Variants in FGFR2 observed in about 807,000 individuals in gnomAD.
The protein encoded by FGFR2 is fibroblast growth factor receptor 2, also known as BEK fibroblast growth factor receptor.
Under a neutral mutation model 95.9 loss-of-function variants are expected in FGFR2, and 19 were observed. That is an observed-to-expected ratio of 0.20 (90% confidence interval 0.14 to 0.29). The LOEUF (loss-of-function observed/expected upper bound fraction) is 0.29, where lower values mean the gene tolerates loss of function less well. FGFR2 is among the 10% of genes least tolerant of loss of function. The pLI is 1.00. For synonymous variants in FGFR2, 392 were observed against 393.3 expected, an observed-to-expected ratio of 1.00 and a Z score of 0.04; for missense variants, 707 against 1,056.9, an observed-to-expected ratio of 0.67 and a Z score of 4.59.
At position 121,479,869 on chromosome 10, in the gene FGFR2, A is replaced by G; in HGVS notation, c.2454T>C (p.Ser818=). The change falls in exon 18 of 18, where the codon AGT becomes AGC. Residue 818 remains serine (S), a synonymous_variant. Transcript: ENST00000358487. The part of the protein sequence containing the change: ...CLPQYPHING[S]VKT The stretch of plus-strand genomic sequence containing the variant: ...CAGACACAGTCATTCATGTTTTAAC[A>G]CTGCCGTTTATGTGTGGATACTGAG... 6.2e-7 allele frequency: 1 copy of G among 1,614,182 alleles called. No individual in the cohort carries two copies. The highest frequency in any genetic ancestry group is 8.5e-7 in the Non-Finnish European group (1 of 1,180,042).
chr10:121,498,562 C>T lies in FGFR2; in HGVS notation c.1605G>A (p.Met535Ile), dbSNP rs1057519800. 6.2e-7 allele frequency: 1 copy of T among 1,614,118 alleles called. No individual in the cohort carries two copies. Among genetic ancestry groups the T allele is most frequent in the South Asian group, 1.1e-5 (1 of 91,070 alleles). Residue 535 changes from methionine to isoleucine, a missense_variant, in exon 12 of 18, where the codon ATG becomes ATA. Physicochemically the swap from Met to Ile is conservative, Grantham distance 10. This residue lies in a region of FGFR2 where 194 missense variants were observed against 267.3 expected (regional missense o/e 0.73). Transcript: ENST00000358487. ...EKDLSDLVSE[M>I]EMMKMIGKHK... ...GTTTCCCAATCATCTTCATCATCTCCATCTCTGACACCAGATCAGAAAGGT... is the reference window on the plus strand; with the variant it reads ...GTTTCCCAATCATCTTCATCATCTCTATCTCTGACACCAGATCAGAAAGGT...
intron 16 of FGFR2, 61 bp from the exon 17 acceptor site, chr10:121,483,864 G>T: frequency 8.0e-7 from 1 of 1,249,052 alleles, no homozygotes; most frequent in Non-Finnish European, 1.2e-6. Flanking sequence ...GTTATAGTCA[G>T]TTTTAATAGG....
chr10:121,558,564 G>A (rs1856502486), intron 4 of FGFR2, among the ~76,000 whole-genome samples: 1 of 151,316 alleles, frequency 6.6e-6, no homozygotes, highest in Non-Finnish European at 1.5e-5. Flanking sequence ...CCATGGCTGG[G>A]TTTTTCAATG....
chr10:121,482,819 G>A (rs979403423), intron 17 of FGFR2, among the ~76,000 whole-genome samples: 2 of 152,142 alleles, frequency 1.3e-5, no homozygotes, highest in Non-Finnish European at 2.9e-5. Flanking sequence ...TTCTTTTTGA[G>A]ATGAAGTCTT....
At chr10:121,539,851 A>T (rs1853430819) in intron 5 of FGFR2, among the ~76,000 whole-genome samples, 1 of 152,224 alleles carries the variant, frequency 6.6e-6, no homozygotes, top group African/African-American at 2.4e-5. Flanking sequence ...GAATAAAGAA[A>T]ATCATCTCGT....
At chr10:121,501,626 A>G (rs889413927) in intron 10 of FGFR2, among the ~76,000 whole-genome samples, 4 of 152,226 alleles carry the variant, frequency 2.6e-5, no homozygotes, top group Non-Finnish European at 5.9e-5. Context: ...TGTGCATTCC[A>G]GAAACCAACA....
At chr10:121,555,241 C>T (rs1024519044) in intron 4 of FGFR2, among the ~76,000 whole-genome samples, 15 of 152,052 alleles carry the variant, frequency 9.9e-5, no homozygotes, top group Admixed American at 9.8e-4. Context: ...GACATGGTGA[C>T]GCATGGCTGT....
In FGFR2 at chr10:121,517,250, G is replaced by C. The variant is rs2134251754; in HGVS notation, c.1084+69C>G. On this transcript the variant is annotated intron_variant, in intron 8 of 17. Transcript: ENST00000358487. The surrounding 1 kb of genome is among the most constrained non-coding windows in gnomAD (Gnocchi z 4.7). Reference sequence around the variant, plus strand: ...AAAGGGGCCATTTCTGATAACAGAAGCTGTGTTAATTTTATAGCAGTCAAC... The same window carrying C: ...AAAGGGGCCATTTCTGATAACAGAACCTGTGTTAATTTTATAGCAGTCAAC... 1 of 1,502,674 alleles carries C rather than the reference G, an allele frequency of 6.7e-7. No homozygotes were observed. Among genetic ancestry groups the C allele is most frequent in the South Asian group, 1.1e-5 (1 of 88,752 alleles). The allele number at this position is 1,502,674 out of a possible 1,614,324, so 93.1% of individuals were successfully genotyped here.
chr10:121,509,129 A>C (rs1352012092), intron 9 of FGFR2, among the ~76,000 whole-genome samples: 1 of 152,182 alleles, frequency 6.6e-6, no homozygotes, highest in Non-Finnish European at 1.5e-5. Context: ...TTATTCTTCA[A>C]TTCCTACCTA....
intron 6 of FGFR2, among the ~76,000 whole-genome samples, chr10:121,523,586 T>C (rs1161632984): frequency 6.6e-6 from 1 of 152,116 alleles, no homozygotes; most frequent in East Asian, 1.9e-4. Context: ...CCAGACAAGG[T>C]CACAAACTAT....
At chr10:121,588,207 A>G (rs1862117163) in intron 2 of FGFR2, among the ~76,000 whole-genome samples, 1 of 152,144 alleles carries the variant, frequency 6.6e-6, no homozygotes, top group Admixed American at 6.5e-5. Flanking sequence ...TCATGAACAC[A>G]AAGAAAAGAA....
chr10:121,516,073 C>G (rs1849670587), intron 8 of FGFR2, among the ~76,000 whole-genome samples: 1 of 152,028 alleles, frequency 6.6e-6, no homozygotes, highest in African/African-American at 2.4e-5. Flanking sequence ...TGTGAGTATA[C>G]ATATAATTAC....
At chr10:121,585,562 G>A (rs1211584815) in intron 2 of FGFR2, among the ~76,000 whole-genome samples, 2 of 152,210 alleles carry the variant, frequency 1.3e-5, no homozygotes, top group African/African-American at 2.4e-5. Context: ...GAGGCTCAGA[G>A]AGGTTATCTA....
chr10:121,515,508 GT>G (rs1411006112), intron 8 of FGFR2, among the ~76,000 whole-genome samples, 189 bp from the exon 9 acceptor site: 1 of 152,060 alleles, frequency 6.6e-6, no homozygotes, highest in Non-Finnish European at 1.5e-5. Context: ...CAGGACCCAG[GT>G]AGTCACTGTC....
rs759404861 is a variant in FGFR2 at position 121,480,010 on chromosome 10, G to C, written c.2313C>G (p.Asp771Glu). Residue 771 changes from aspartate to glutamate, a missense_variant, in exon 18 of 18, where the codon GAC (aspartate) becomes GAG (glutamate). Asp to Glu is a conservative substitution (Grantham distance 45). Around this residue, in one of 7 missense-constraint regions of FGFR2, gnomAD observed 104 missense variants for 214.2 expected, o/e 0.49. Coordinates refer to ENST00000358487, the MANE Select transcript of FGFR2 (RefSeq NM_000141.5). ...AATACTGTTCGAGAGGTTGGCTGAGGTCCAAGTATTCCTGAAAGAAGGGAA... is the reference window on the plus strand; with the variant it reads ...AATACTGTTCGAGAGGTTGGCTGAGCTCCAAGTATTCCTGAAAGAAGGGAA... ...LTLTTNEEYLDLSQPLEQYSP... is the reference protein window; with the variant it reads ...LTLTTNEEYLELSQPLEQYSP... 2 of 1,613,996 alleles carry C rather than the reference G, an allele frequency of 1.2e-6. No individual in the cohort carries two copies.
At position 121,490,154 on chromosome 10, in the gene FGFR2, CTTTTTTTTTTTTTTTTT is replaced by C. The variant is rs55633189; in HGVS notation, c.1864-2058_1864-2042del. Among the ~76,000 whole-genome samples, 7 of 80,024 alleles carry C rather than the reference CTTTTTTTTTTTTTTTTT, an allele frequency of 8.7e-5. No homozygotes were observed. In the East Asian group the frequency reaches 3.6e-3, roughly 42 times the overall value. The allele number at this position is 80,024 out of a possible 152,430, so 52.5% of individuals were successfully genotyped here. A position where few individuals can be genotyped will look rare whatever the true frequency, so the allele number is the denominator to read the frequency against. On this transcript the variant is annotated intron_variant, in intron 13 of 17. Transcript: ENST00000358487. ...GATCTAGCTATTACGACTTTTCCTT[CTTTTTTTTTTTTTTTTT>C]TTTTTTTTTGAGACGGAGTTTCACT... is the stretch of plus-strand genomic sequence containing the variant.
chr10:121,496,786 C>A (rs1589754354), intron 12 of FGFR2, 64 bp from the exon 13 acceptor site: 2 of 1,391,954 alleles, frequency 1.4e-6, no homozygotes, highest in Non-Finnish European at 2.0e-6. Context: ...GGCAATTCAG[C>A]AAAACATTTT....
intron 6 of FGFR2, among the ~76,000 whole-genome samples, chr10:121,520,645 T>C (rs902170465): frequency 1.3e-5 from 2 of 151,602 alleles, no homozygotes; most frequent in African/African-American, 2.4e-5. Flanking sequence ...TCCCAATACA[T>C]TTTTTTTTCT....
Position 121,496,546 on chromosome 10 carries a change from A to G in FGFR2, c.1849T>C (p.Leu617=). Residue 617 remains leucine, a synonymous_variant, in exon 13 of 18, where the codon TTG becomes CTG. Transcript: ENST00000358487. ...TYQLARGMEY[L]ASQKCIHRDL... is the part of the protein sequence containing the mutation. ...GAAAGACTCACTTTTTGGGAAGCCA[A>G]GTACTCCATGCCTCTGGCCAGCTGG... is the stretch of plus-strand genomic sequence containing the variant. 1.2e-6 allele frequency: 2 copies of G among 1,614,190 alleles called. No homozygotes were observed. The highest frequency in any genetic ancestry group is 2.2e-5 in the East Asian group (1 of 44,874).
Sources: gnomAD v4.1 joint callset for allele counts (sites outside exome capture counted in the v4.1 genomes callset) on GRCh38, gnomAD v4.1.1 for gene constraint, gnomAD v4.1.1 regional missense constraint, Gnocchi (gnomAD v3.1) non-coding constraint, MANE v1.5 for transcripts, NCBI Gene and HGNC (gene_info 2026-07-23, HGNC 2026-07-21) for gene names.